RAD50: variants seen among roughly 807,000 people sequenced by gnomAD.
The protein encoded by RAD50 is DNA repair protein RAD50.
Under a neutral mutation model 168.8 loss-of-function variants are expected in RAD50, and 132 were observed. The observed-to-expected ratio is 0.78, with a 90% confidence interval of 0.68 to 0.90. RAD50 has a LOEUF of 0.90. Among genes scored for constraint, RAD50 ranks in the 40% least tolerant of loss-of-function variants. The pLI is 0.00. For synonymous variants in RAD50, 525 were observed against 497.4 expected (o/e 1.06, Z -0.74); for missense variants, 1,347 against 1,534.4 (o/e 0.88, Z 2.04).
intron 6 of RAD50, 46 bp from the exon 7 acceptor site, chr5:132,587,878 T>G: frequency 6.3e-7 from 1 of 1,589,174 alleles, no homozygotes; most frequent in Non-Finnish European, 8.6e-7. Context: ...GTGATCATAT[T>G]TTCTTATGTT....
rs375301575 is a variant in RAD50, at chr5:132,640,812, A to C, written c.3752+7A>C. ...TTGCACATGCTCTGGTTGAGTAAGT[A>C]TCTCTTGCACATGCTCTGGTTGAGT... On this transcript the variant is annotated splice_region_variant and intron_variant, in intron 24 of 24. Transcript: ENST00000378823. 1 of 1,613,876 alleles carries C rather than the reference A, an allele frequency of 6.2e-7. No homozygotes were observed. The highest frequency in any genetic ancestry group is 1.7e-5 in the Admixed American group (1 of 59,974).
Position 132,644,669 on chromosome 5 carries a change from T to C in RAD50, c.*2305T>C, listed in dbSNP as rs1215640179. The C allele has an allele frequency of 2.3e-5, 4 of 174,334 alleles. No homozygotes were observed. Among genetic ancestry groups the C allele is most frequent in the Non-Finnish European group, 5.0e-5 (4 of 80,694 alleles). The allele number at this position is 174,334 out of a possible 1,614,324, so 10.8% of individuals were successfully genotyped here. A position where few individuals can be genotyped will look rare whatever the true frequency, so the allele number is the denominator to read the frequency against. ...TTCCCAGCTTGGTCACTCCCTCTTA[T>C]TTGTTGAAGAGTTTAGCTCCCGGTT... On this transcript the variant is annotated 3_prime_UTR_variant, in exon 25 of 25. Transcript: ENST00000378823.
intron 3 of RAD50, among the ~76,000 whole-genome samples, chr5:132,577,256 A>C (rs890936631): frequency 5.3e-5 from 8 of 152,150 alleles, no homozygotes; most frequent in Non-Finnish European, 1.0e-4. Flanking sequence ...ATATCAAATC[A>C]CTGTGACCTC....
chr5:132,622,364 G>GCC (rs1284797296), intron 21 of RAD50, among the ~76,000 whole-genome samples: 1 of 152,028 alleles, frequency 6.6e-6, no homozygotes, highest in Non-Finnish European at 1.5e-5. Flanking sequence ...TTGTCATGTT[G>GCC]CCCCGGCTGG....
At position 132,636,859 on chromosome 5, in the gene RAD50, A is replaced by G. The variant is rs1387299452; in HGVS notation, c.3390-256A>G. The stretch of plus-strand genomic sequence containing the variant: ...CGTAAAGGAGTATTTGTTGTATCCT[A>G]GAGAGTGAATATGGAGAAGGGTACC... On this transcript the variant is annotated intron_variant, in intron 21 of 24. Coordinates refer to ENST00000378823, the MANE Select transcript of RAD50 (RefSeq NM_005732.4). Among the ~76,000 whole-genome samples, 5 of 152,164 alleles carry G rather than the reference A, an allele frequency of 3.3e-5. No individual in the cohort carries two copies. The East Asian group carries it at 9.6e-4, about 29-fold the overall frequency.
At chr5:132,632,268 G>T (rs1751488907) in intron 21 of RAD50, among the ~76,000 whole-genome samples, 1 of 151,992 alleles carries the variant, frequency 6.6e-6, no homozygotes, top group Non-Finnish European at 1.5e-5. Context: ...CAGATATTTG[G>T]GCTTCCCCAC....
At chr5:132,585,310 G>A (rs1394586725) in intron 5 of RAD50, among the ~76,000 whole-genome samples, 1 of 152,056 alleles carries the variant, frequency 6.6e-6, no homozygotes, top group Non-Finnish European at 1.5e-5. Context: ...GAATGTAATT[G>A]CTCTGCATTC....
Position 132,603,306 on chromosome 5 carries a change from CA to C in RAD50, c.2215del (p.Ile739Ter), listed in dbSNP as rs1249268313. On this transcript the variant is annotated frameshift_variant, in exon 14 of 25. Coordinates refer to ENST00000378823, the MANE Select transcript of RAD50 (RefSeq NM_005732.4). LOFTEE classifies it high-confidence loss of function. The part of the protein sequence containing the change: ...MLGLVPMRQS[I>X]IDLKEKEIPE... ...AATTGTGTTTTCTATTTAGGCAAAG[CA>C]TAATTGATTTGAAGGAGAAGGAAAT... is the stretch of plus-strand genomic sequence containing the variant. 1 of 1,610,982 alleles carries C rather than the reference CA, an allele frequency of 6.2e-7. No individual in the cohort carries two copies. The highest frequency in any genetic ancestry group is 1.1e-5 in the South Asian group (1 of 90,808).
Position 132,646,092 on chromosome 5 carries a change from C to CAAAAAAAAAAAAAAAAAAA in RAD50, c.*3731_*3749dup, listed in dbSNP as rs757145249. 1.8e-4 allele frequency: 14 copies of CAAAAAAAAAAAAAAAAAAA among 77,130 alleles called. 1 individual carries two copies. Among genetic ancestry groups the CAAAAAAAAAAAAAAAAAAA allele is most frequent in the African/African-American group, 4.1e-4 (9 of 22,122 alleles). 4.8% of individuals were successfully genotyped at this position (77,130 alleles called of 1,614,324 possible). On this transcript the variant is annotated 3_prime_UTR_variant, in exon 25 of 25. Transcript: ENST00000378823. The stretch of plus-strand genomic sequence containing the variant: ...CAGAGTGAGACCCTGTCTAAAAAGA[C>CAAAAAAAAAAAAAAAAAAA]AAAAAAAAAAAAAAAAAAAAAGCAG...
At chr5:132,596,018 G>C (rs752229375) in intron 13 of RAD50, among the ~76,000 whole-genome samples, 6 of 150,316 alleles carry the variant, frequency 4.0e-5, no homozygotes, top group Non-Finnish European at 8.9e-5. Context: ...TTTTTTCTGA[G>C]ACAGAGTCTC....
intron 1 of RAD50, among the ~76,000 whole-genome samples, chr5:132,558,347 T>C (rs1750048959): frequency 6.6e-6 from 1 of 152,046 alleles, no homozygotes; most frequent in Admixed American, 6.5e-5. Flanking sequence ...ATTTATTAGT[T>C]GTCTGATTGT....
intron 21 of RAD50, among the ~76,000 whole-genome samples, chr5:132,618,732 A>ATATG (rs940063151): frequency 1.4e-4 from 21 of 152,172 alleles, no homozygotes; most frequent in Non-Finnish European, 3.1e-4. Context: ...ATTGGAAAAT[A>ATATG]TATGTATGTA....
At chr5:132,626,756 G>A (rs1169307649) in intron 21 of RAD50, among the ~76,000 whole-genome samples, 1 of 152,112 alleles carries the variant, frequency 6.6e-6, no homozygotes, top group Non-Finnish European at 1.5e-5. Flanking sequence ...GTTTTAAAGG[G>A]CAAGTATTTA....
chr5:132,643,734 G>GGGGGGGGGGC lies in RAD50; in HGVS notation c.*1370_*1371insGGGGGGGGGC. Reference sequence around the variant, plus strand: ...GGGGGTGGTGGTGGGGTGGGGGGGGGTCCTAAATGTAATCACGAGTAAGAT... The same window carrying GGGGGGGGGGC: ...GGGGGTGGTGGTGGGGTGGGGGGGGGGGGGGGGGGCTCCTAAATGTAATCACGAGTAAGAT... On this transcript the variant is annotated 3_prime_UTR_variant, in exon 25 of 25. Transcript: ENST00000378823. 3 of 177,106 alleles carry GGGGGGGGGGC rather than the reference G, an allele frequency of 1.7e-5. No homozygotes were observed. The highest frequency in any genetic ancestry group is 2.4e-5 in the Non-Finnish European group (2 of 84,824). 11.0% of individuals were successfully genotyped at this position (177,106 alleles called of 1,614,324 possible).
At chr5:132,590,935 G>A (rs1750686354) in intron 9 of RAD50, among the ~76,000 whole-genome samples, 1 of 152,170 alleles carries the variant, frequency 6.6e-6, no homozygotes, top group South Asian at 2.1e-4. Flanking sequence ...TCACTAATCT[G>A]TGTACTTAGA....
chr5:132,639,713 A>G (rs1051882929), intron 23 of RAD50, among the ~76,000 whole-genome samples: 14 of 152,166 alleles, frequency 9.2e-5, no homozygotes, highest in African/African-American at 3.1e-4. Context: ...CCTACCTAAC[A>G]CTGGCTTTTG....
In RAD50 at chr5:132,633,098, C is replaced by CTTTTTTTTT. The variant is rs34616055; in HGVS notation, c.3390-4005_3390-3997dup. Among the ~76,000 whole-genome samples, 434 of 112,988 alleles carry CTTTTTTTTT rather than the reference C, an allele frequency of 3.8e-3. 1 individual carries two copies. Among genetic ancestry groups the CTTTTTTTTT allele is most frequent in the African/African-American group, 4.9e-3 (137 of 27,778 alleles). 74.1% of individuals were successfully genotyped at this position (112,988 alleles called of 152,430 possible). On this transcript the variant is annotated intron_variant, in intron 21 of 24. Coordinates refer to ENST00000378823, the MANE Select transcript of RAD50 (RefSeq NM_005732.4). The stretch of plus-strand genomic sequence containing the variant: ...GTCCATCAATTTTCTTTCGTTTTTT[C>CTTTTTTTTT]TTTTTTTTTTTTTTTTTTTTGAGAC...
Position 132,557,182 on chromosome 5 carries a change from G to C in RAD50, c.-143G>C. On this transcript the variant is annotated 5_prime_UTR_variant, in exon 1 of 25. Transcript: ENST00000378823. ...CCGCTGTTGGCTGGCAGGATCTTTT[G>C]GCAGTCCTGTGGCCTCGCTCCCCGC... 8.9e-7 allele frequency: 1 copy of C among 1,122,570 alleles called. No individual in the cohort carries two copies. The highest frequency in any genetic ancestry group is 1.3e-6 in the Non-Finnish European group (1 of 752,170). The allele number at this position is 1,122,570 out of a possible 1,614,324, so 69.5% of individuals were successfully genotyped here.
At chr5:132,584,079 G>C (rs1750552839) in intron 5 of RAD50, among the ~76,000 whole-genome samples, 1 of 152,076 alleles carries the variant, frequency 6.6e-6, no homozygotes, top group Non-Finnish European at 1.5e-5. Flanking sequence ...TTCTGTGGCT[G>C]ATGGACATTA....
Sources: gnomAD v4.1 joint callset for allele counts (sites outside exome capture counted in the v4.1 genomes callset) on GRCh38, gnomAD v4.1.1 for gene constraint, MANE v1.5 for transcripts, NCBI Gene and HGNC (gene_info 2026-07-23, HGNC 2026-07-21) for gene names.